PLD5: variants seen among roughly 807,000 people sequenced by gnomAD.
PLD5 encodes inactive phospholipase D5.
A neutral mutation model predicts 61.1 loss-of-function variants in PLD5; 36 were observed. The observed-to-expected ratio is 0.59, with a 90% CI of 0.45 to 0.78. The LOEUF (loss-of-function observed/expected upper bound fraction) is 0.78. PLD5 is among the 30% of genes least tolerant of loss of function. PLD5 has a pLI of 0.00. For missense variants in PLD5, 515 were observed against 644.4 expected, an observed-to-expected ratio of 0.80 and a Z score of 2.17; for synonymous variants, 243 against 242.8, an observed-to-expected ratio of 1.00 and a Z score of -0.01.
intron 1 of PLD5, among the ~76,000 whole-genome samples, chr1:242,489,359 C>T (rs1668064830): frequency 7.1e-6 from 1 of 140,032 alleles, no homozygotes; most frequent in Admixed American, 7.7e-5. Flanking sequence ...GTAAGTCACA[C>T]CTCGATACAT....
At chr1:242,315,010 T>C (rs1343452570) in intron 2 of PLD5, among the ~76,000 whole-genome samples, 1 of 152,204 alleles carries the variant, frequency 6.6e-6, no homozygotes, top group Non-Finnish European at 1.5e-5. Flanking sequence ...CCTTATTGTG[T>C]TCCCACACCA....
intron 1 of PLD5, among the ~76,000 whole-genome samples, chr1:242,482,861 C>T (rs976352243): frequency 2.0e-5 from 3 of 152,194 alleles, no homozygotes; most frequent in Non-Finnish European, 4.4e-5. Flanking sequence ...GCTGATCTCT[C>T]GGCAGAAACT....
chr1:242,242,495 T>C (rs1219969568), intron 4 of PLD5, among the ~76,000 whole-genome samples: 3 of 152,204 alleles, frequency 2.0e-5, no homozygotes, highest in Non-Finnish European at 4.4e-5. Flanking sequence ...GTTTTTGTCA[T>C]TTTTCTAAGG....
At position 242,160,869 on chromosome 1, in the gene PLD5, A is replaced by T. The variant is rs1049232389; in HGVS notation, c.736-36204T>A. Reference sequence around the variant, plus strand: ...CACTGCACTCCAGCCTGAGCAACAGAGTGAGAATCCATCTCAAAAAATAAT... The same window carrying T: ...CACTGCACTCCAGCCTGAGCAACAGTGTGAGAATCCATCTCAAAAAATAAT... On this transcript the variant is annotated intron_variant, in intron 5 of 9. Coordinates refer to ENST00000536534, the MANE Select transcript of PLD5 (RefSeq NM_001372062.1). Among the ~76,000 whole-genome samples, 8 of 65,020 alleles carry T rather than the reference A, an allele frequency of 1.2e-4. 1 individual carries two copies. The South Asian group carries it at 2.9e-3, about 23-fold the overall frequency. The allele number at this position is 65,020 out of a possible 152,430, so 42.7% of individuals were successfully genotyped here. A position where few individuals can be genotyped will look rare whatever the true frequency, so the allele number is the denominator to read the frequency against.
At chr1:242,443,817 A>G (rs1007294797) in intron 1 of PLD5, among the ~76,000 whole-genome samples, 5 of 151,930 alleles carry the variant, frequency 3.3e-5, no homozygotes, top group Non-Finnish European at 7.3e-5. Context: ...CTCCATCTCA[A>G]ACCTATTTAA....
intron 1 of PLD5, among the ~76,000 whole-genome samples, chr1:242,510,855 A>T (rs567498649): frequency 6.8e-4 from 103 of 152,322 alleles, no homozygotes; most frequent in Non-Finnish European, 1.1e-3. Context: ...AAAAAAAAAA[A>T]AAGTTCAAAT....
At chr1:242,437,655 C>T (rs527250038) in intron 1 of PLD5, among the ~76,000 whole-genome samples, 13 of 151,150 alleles carry the variant, frequency 8.6e-5, no homozygotes, top group Middle Eastern at 3.4e-3. Flanking sequence ...CCACTGTACT[C>T]CAGCCTGGGC....
chr1:242,394,821 T>C (rs1663348821), intron 1 of PLD5, among the ~76,000 whole-genome samples: 1 of 126,650 alleles, frequency 7.9e-6, no homozygotes, highest in South Asian at 2.5e-4. Flanking sequence ...TGAATATATA[T>C]ACATATATGT....
intron 1 of PLD5, among the ~76,000 whole-genome samples, chr1:242,403,282 T>A (rs1353481322): frequency 6.6e-6 from 1 of 152,124 alleles, no homozygotes; most frequent in Non-Finnish European, 1.5e-5. Flanking sequence ...CTGCATGAAC[T>A]TTGACTTCCT....
intron 5 of PLD5, among the ~76,000 whole-genome samples, chr1:242,185,255 A>G (rs562303797): frequency 9.1e-4 from 138 of 152,304 alleles, no homozygotes; most frequent in African/African-American, 1.9e-3. Flanking sequence ...GCCAAATGCA[A>G]TGGGAACCTA....
intron 4 of PLD5, among the ~76,000 whole-genome samples, chr1:242,245,761 T>G (rs1672316869): frequency 6.6e-6 from 1 of 152,198 alleles, no homozygotes; most frequent in Non-Finnish European, 1.5e-5. Context: ...AGGCTGCATA[T>G]TCCAAGCACA....
intron 1 of PLD5, among the ~76,000 whole-genome samples, chr1:242,348,890 T>TA (rs1054194878): frequency 9.9e-5 from 15 of 152,182 alleles, no homozygotes; most frequent in African/African-American, 2.2e-4. Flanking sequence ...CTGTCTCTAC[T>TA]AAAAATACAA....
At chr1:242,352,929 T>C (rs1029918162) in intron 1 of PLD5, among the ~76,000 whole-genome samples, 1 of 152,202 alleles carries the variant, frequency 6.6e-6, no homozygotes, top group Non-Finnish European at 1.5e-5. Context: ...TTGTATAGTT[T>C]GGATATTAGT....
intron 4 of PLD5, among the ~76,000 whole-genome samples, chr1:242,246,300 C>T (rs183250925): frequency 7.9e-5 from 12 of 152,106 alleles, no homozygotes; most frequent in African/African-American, 2.4e-4. Flanking sequence ...CAGGAATTCA[C>T]GGCTGCAGTG....
At chr1:242,405,856 C>A (rs1414689110) in intron 1 of PLD5, among the ~76,000 whole-genome samples, 1 of 152,088 alleles carries the variant, frequency 6.6e-6, no homozygotes, top group Non-Finnish European at 1.5e-5. Context: ...CCCACCTCAG[C>A]CTCCCAAAGT....
chr1:242,245,572 G>T (rs892749574), intron 4 of PLD5, among the ~76,000 whole-genome samples: 6 of 152,142 alleles, frequency 3.9e-5, no homozygotes, highest in African/African-American at 1.2e-4. Flanking sequence ...AGTGAGTTAG[G>T]TCCTATCTCT....
chr1:242,331,677 C>T (rs1659180859), intron 2 of PLD5, among the ~76,000 whole-genome samples: 1 of 152,192 alleles, frequency 6.6e-6, no homozygotes, highest in Non-Finnish European at 1.5e-5. Context: ...TTGATTCACA[C>T]ATAAATTGAG....
rs186227164 is a variant in PLD5 at position 242,468,786 on chromosome 1, T to C, written c.189+55302A>G. 6.6e-5 allele frequency among the ~76,000 whole-genome samples: 10 copies of C among 152,240 alleles called. No homozygotes were observed. In the South Asian group the frequency reaches 1.7e-3, roughly 25 times the overall value. On this transcript the variant is annotated intron_variant, in intron 1 of 9. Coordinates refer to ENST00000536534, the MANE Select transcript of PLD5 (RefSeq NM_001372062.1). ...ACAATGGTATTTCACAAAATAATAA[T>C]AGCAATAACAACCACAGCAAACACT...
intron 1 of PLD5, among the ~76,000 whole-genome samples, chr1:242,475,206 C>T (rs577614129): frequency 3.6e-3 from 551 of 152,242 alleles, no homozygotes; most frequent in Non-Finnish European, 6.2e-3. Flanking sequence ...CGCACACACA[C>T]CCACAGAGGG....
Sources: allele counts gnomAD v4.1 joint callset (sites outside exome capture counted in the v4.1 genomes callset), GRCh38; gene constraint gnomAD v4.1.1; transcripts MANE v1.5; gene names NCBI Gene and HGNC (gene_info 2026-07-23, HGNC 2026-07-21).